CAMK2A: variants seen among roughly 807,000 people sequenced by gnomAD.
The protein encoded by CAMK2A is calcium/calmodulin-dependent protein kinase type II subunit alpha.
CAMK2A carries 7 observed loss-of-function variants against 79.2 expected under a neutral mutation model. The observed-to-expected ratio is 0.09, with a 90% CI of 0.05 to 0.17. The LOEUF (loss-of-function observed/expected upper bound fraction) is 0.17, where lower values mean the gene tolerates loss of function less well. CAMK2A is among the 10% of genes least tolerant of loss of function. The pLI is 1.00. For missense variants in CAMK2A, 214 were observed against 646.4 expected (o/e 0.33, Z 7.25); for synonymous variants, 242 against 251.7 (o/e 0.96, Z 0.36).
intron 1 of CAMK2A, among the ~76,000 whole-genome samples, chr5:150,277,286 G>A (rs1018656320): frequency 6.6e-6 from 1 of 152,232 alleles, no homozygotes; most frequent in Non-Finnish European, 1.5e-5. Context: ...GTAGGCCCAG[G>A]GAATTTGTAA....
At chr5:150,245,053 C>T (rs1755503507) in intron 13 of CAMK2A, 108 bp downstream of exon 13, 3 of 1,135,122 alleles carry the variant, frequency 2.6e-6, no homozygotes, top group Non-Finnish European at 3.9e-6. Flanking sequence ...CACGTCTGCC[C>T]AGGACACCAT....
At chr5:150,232,714 G>T (rs1754899085) in intron 15 of CAMK2A, among the ~76,000 whole-genome samples, 1 of 152,186 alleles carries the variant, frequency 6.6e-6, no homozygotes, top group African/African-American at 2.4e-5. Flanking sequence ...GGAAGCCTGG[G>T]AGGGAGCCCA....
chr5:150,268,882 C>T (rs1486215013), intron 2 of CAMK2A, among the ~76,000 whole-genome samples: 1 of 152,072 alleles, frequency 6.6e-6, no homozygotes, highest in Non-Finnish European at 1.5e-5. Flanking sequence ...TTCTCTGCCT[C>T]CCTCTTGAGT....
In CAMK2A at chr5:150,223,105, G is replaced by A. The variant is rs373201434; in HGVS notation, c.1350C>T (p.Asp450=). Reference sequence around the variant, plus strand: ...GGGCGGTGCGTGGGATGCCGCCAGCGTCCAGGTACTGCGTGATGCGGATGT... The same window carrying A: ...GGGCGGTGCGTGGGATGCCGCCAGCATCCAGGTACTGCGTGATGCGGATGT... ...IAYIRITQYL[D]AGGIPRTAQS... Residue 450 remains aspartate, a synonymous_variant, in exon 18 of 19, where the codon GAC becomes GAT. Coordinates refer to ENST00000671881, the MANE Select transcript of CAMK2A (RefSeq NM_015981.4). This position sits in a 1 kb window ranked among gnomAD's most constrained non-coding sequence, Gnocchi z 4.1. 60 of 1,614,036 alleles carry A rather than the reference G, an allele frequency of 3.7e-5. No homozygotes were observed. The highest frequency in any genetic ancestry group is 1.3e-4 in the African/African-American group (10 of 74,954).
chr5:150,281,826 T>C (rs1221221390), intron 1 of CAMK2A, among the ~76,000 whole-genome samples: 1 of 152,226 alleles, frequency 6.6e-6, no homozygotes, highest in African/African-American at 2.4e-5. Flanking sequence ...AATGAGAAGC[T>C]TTTAGGCCTC....
In CAMK2A at chr5:150,222,403, G is replaced by A; in HGVS notation, c.*307C>T. The A allele has an allele frequency of 1.5e-6, 1 of 668,806 alleles. No homozygotes were observed. Among genetic ancestry groups the A allele is most frequent in the Non-Finnish European group, 2.7e-6 (1 of 367,786 alleles). The allele number at this position is 668,806 out of a possible 1,614,324, so 41.4% of individuals were successfully genotyped here. Reference sequence around the variant, plus strand: ...GCATTCTAGCCTACAGCCCAAGACAGATCAGGCGGACAGCAGCTGAGGCTG... The same window carrying A: ...GCATTCTAGCCTACAGCCCAAGACAAATCAGGCGGACAGCAGCTGAGGCTG... On this transcript the variant is annotated 3_prime_UTR_variant, in exon 19 of 19. Transcript: ENST00000671881.
At position 150,234,218 on chromosome 5, in the gene CAMK2A, C is replaced by A. The variant is rs368869377; in HGVS notation, c.1067-2838G>T. 3.0e-4 allele frequency among the ~76,000 whole-genome samples: 46 copies of A among 152,284 alleles called. 3 individuals carry two copies. The South Asian group carries it at 3.5e-3, about 12-fold the overall frequency. ...TGAGTCACTCTCCTTGCCTTCTCTG[C>A]ATGGACTTTAAGACCCTTCTGGCTC... On this transcript the variant is annotated intron_variant, in intron 15 of 18. Coordinates refer to ENST00000671881, the MANE Select transcript of CAMK2A (RefSeq NM_015981.4).
chr5:150,245,262 C>T (rs1562156715), intron 12 of CAMK2A, 61 bp from the exon 13 acceptor site: 12 of 1,539,982 alleles, frequency 7.8e-6, no homozygotes, highest in South Asian at 1.1e-5. Context: ...GCCCACAGGG[C>T]GAGGACGAGC....
At chr5:150,259,441 G>A (rs1021376395) in intron 3 of CAMK2A, among the ~76,000 whole-genome samples, 2 of 152,038 alleles carry the variant, frequency 1.3e-5, no homozygotes, top group African/African-American at 4.8e-5. Context: ...AGGGTTGTTT[G>A]AGCCCAGGGG....
intron 13 of CAMK2A, among the ~76,000 whole-genome samples, chr5:150,241,600 T>C (rs1216621409): frequency 7.3e-5 from 9 of 123,926 alleles, no homozygotes; most frequent in African/African-American, 2.8e-4. Context: ...GTCCTCTTCC[T>C]CTCCTCTCTT....
At chr5:150,281,691 A>T (rs894008462) in intron 1 of CAMK2A, among the ~76,000 whole-genome samples, 2 of 152,216 alleles carry the variant, frequency 1.3e-5, no homozygotes, top group South Asian at 4.1e-4. Context: ...AAATAGCAGC[A>T]TTCTGCGTGT....
At chr5:150,231,752 T>C (rs1244154777) in intron 15 of CAMK2A, among the ~76,000 whole-genome samples, 1 of 152,182 alleles carries the variant, frequency 6.6e-6, no homozygotes, top group Non-Finnish European at 1.5e-5. Context: ...GGCTCCCAAA[T>C]ACTTATTCCT....
chr5:150,226,088 T>C (rs1754587255), intron 17 of CAMK2A, among the ~76,000 whole-genome samples: 1 of 152,176 alleles, frequency 6.6e-6, no homozygotes, highest in Non-Finnish European at 1.5e-5. Context: ...ATTCATTTGA[T>C]TTATTAAAGG....
intron 1 of CAMK2A, among the ~76,000 whole-genome samples, chr5:150,274,917 C>A (rs1756888520): frequency 6.6e-6 from 1 of 152,242 alleles, no homozygotes; most frequent in Non-Finnish European, 1.5e-5. Context: ...ATGGGCAGCT[C>A]CGAGCCCACA....
rs370600720 is a variant in CAMK2A, at chr5:150,252,003, G to C, written c.577C>G (p.Pro193Ala). The change falls in exon 8 of 19, where the codon CCT (proline) becomes GCT (alanine). Residue 193 changes from proline (P) to alanine (A), a missense_variant. By Grantham distance (27) the Pro-to-Ala change is conservative (BLOSUM62 -1). Transcript: ENST00000671881. ...EVLRKDPYGK[P>A]VDLWACGVIL... ...TCACCACAAGCCCACAGGTCCACAGGCTTCCCGTACGGGTCCTTCCGCAGC... is the reference window on the plus strand; with the variant it reads ...TCACCACAAGCCCACAGGTCCACAGCCTTCCCGTACGGGTCCTTCCGCAGC... 9.3e-6 allele frequency: 15 copies of C among 1,613,802 alleles called. No individual in the cohort carries two copies. The highest frequency in any genetic ancestry group is 1.3e-5 in the Non-Finnish European group (15 of 1,179,846).
At chr5:150,240,252 C>G (rs547391264) in intron 13 of CAMK2A, among the ~76,000 whole-genome samples, 1 of 152,286 alleles carries the variant, frequency 6.6e-6, no homozygotes, top group Middle Eastern at 3.4e-3. Flanking sequence ...AATCAGGTCC[C>G]CTCTGAGGAG....
rs557347871 is a variant in CAMK2A, at chr5:150,249,624, T to C, written c.900+602A>G. ...AGTGCAATGGCACGATCTCACTCAC[T>C]GCAACCTCCGCCTCCCAGGTTCAAG... On this transcript the variant is annotated intron_variant, in intron 11 of 18. Transcript: ENST00000671881. Among the ~76,000 whole-genome samples, 30 of 151,986 alleles carry C rather than the reference T, an allele frequency of 2.0e-4. No individual in the cohort carries two copies. In the South Asian group the frequency reaches 3.1e-3, roughly 16 times the overall value.
At position 150,238,519 on chromosome 5, in the gene CAMK2A, A is replaced by T. The variant is rs756649549; in HGVS notation, c.1066+181T>A. 2.4e-5 allele frequency: 17 copies of T among 710,016 alleles called. 1 individual carries two copies. In the South Asian group the frequency reaches 2.6e-4, roughly 11 times the overall value. 44.0% of individuals were successfully genotyped at this position (710,016 alleles called of 1,614,324 possible). A position where few individuals can be genotyped will look rare whatever the true frequency, so the allele number is the denominator to read the frequency against. ...ACACACCAGCAGTAGTTCCAGTACC[A>T]CCCCCGCCCTCCATGGGAATGATGC... On this transcript the variant is annotated intron_variant, in intron 15 of 18. Transcript: ENST00000671881.
intron 1 of CAMK2A, among the ~76,000 whole-genome samples, chr5:150,277,517 A>G (rs1011519571): frequency 1.2e-4 from 18 of 152,158 alleles, no homozygotes; most frequent in Non-Finnish European, 2.5e-4. Flanking sequence ...AAAACAAGAG[A>G]AGCCATACGT....
Sources: gnomAD v4.1 joint callset for allele counts (sites outside exome capture counted in the v4.1 genomes callset) on GRCh38, gnomAD v4.1.1 for gene constraint, Gnocchi (gnomAD v3.1) non-coding constraint, MANE v1.5 for transcripts, NCBI Gene and HGNC (gene_info 2026-07-23, HGNC 2026-07-21) for gene names.